The following UBN1 variants were observed in gnomAD, a reference collection of about 807,000 sequenced individuals.
The protein encoded by UBN1 is ubinuclein 1.
UBN1 carries 17 observed loss-of-function variants against 108.5 expected under a neutral mutation model. That is an observed-to-expected ratio of 0.16 (90% CI 0.11 to 0.24). The LOEUF (loss-of-function observed/expected upper bound fraction) is 0.24. Ranked by LOEUF, UBN1 falls within the 10% of genes least tolerant of loss-of-function variation. UBN1 has a pLI of 1.00. For missense variants in UBN1, 1,595 were observed against 1,394.4 expected (o/e 1.14, Z -2.29); for synonymous variants, 726 against 564.2 (o/e 1.29, Z -4.07).
chr16:4,871,022 T>G (rs1360630265), intron 11 of UBN1, 50 bp downstream of exon 11: 1 of 1,609,826 alleles, frequency 6.2e-7, no homozygotes, highest in East Asian at 2.2e-5. Flanking sequence ...TGGGGCAGTG[T>G]CTGAGCACGT....
intron 14 of UBN1, among the ~76,000 whole-genome samples, chr16:4,873,851 G>C (rs1176137040): frequency 1.3e-5 from 2 of 152,252 alleles, no homozygotes; most frequent in Admixed American, 1.3e-4. Context: ...GCCTTGGTCT[G>C]ATTGCAGCTA....
At chr16:4,873,146 T>G in intron 14 of UBN1, 73 bp downstream of exon 14, 1 of 1,595,278 alleles carries the variant, frequency 6.3e-7, no homozygotes, top group South Asian at 1.1e-5. Context: ...AACAGTCAAG[T>G]GACTGTGGAA....
chr16:4,868,927 C>CT, intron 8 of UBN1, 24 bp downstream of exon 8: 1 of 1,612,378 alleles, frequency 6.2e-7, no homozygotes, highest in African/African-American at 1.3e-5. Context: ...GTCTGTCTGT[C>CT]TGTCTGTCTG....
intron 10 of UBN1, 55 bp from the exon 11 acceptor site, chr16:4,870,787 GGA>G: frequency 1.9e-6 from 3 of 1,607,926 alleles, no homozygotes; most frequent in Non-Finnish European, 2.5e-6. Flanking sequence ...CAGAGTGAGG[GGA>G]GAGGCGGTGG....
chr16:4,880,229 GT>G lies in UBN1; in HGVS notation c.*98del. 7.2e-7 allele frequency: 1 copy of G among 1,384,518 alleles called. No homozygotes were observed. The highest frequency in any genetic ancestry group is 1.0e-6 in the Non-Finnish European group (1 of 973,730). 85.8% of individuals were successfully genotyped at this position (1,384,518 alleles called of 1,614,324 possible). ...CTCACTGCGCCCTTTCTGCTGCTTG[GT>G]GTTCTTCTGGAGGAGCGTGAGTTCT... On this transcript the variant is annotated 3_prime_UTR_variant, in exon 18 of 18. Coordinates refer to ENST00000262376, the MANE Select transcript of UBN1 (RefSeq NM_001079514.3).
intron 7 of UBN1, among the ~76,000 whole-genome samples, chr16:4,866,713 A>G (rs1389503898): frequency 1.3e-5 from 2 of 152,144 alleles, no homozygotes; most frequent in Non-Finnish European, 2.9e-5. Flanking sequence ...GGGTCTCATC[A>G]TGTGCCCAAG....
rs200866239 is a variant in UBN1 at position 4,870,319 on chromosome 16, G to T, written c.1289G>T (p.Arg430Leu). 2 of 1,614,150 alleles carry T rather than the reference G, an allele frequency of 1.2e-6. No individual in the cohort carries two copies. Among genetic ancestry groups the T allele is most frequent in the African/African-American group, 1.3e-5 (1 of 75,050 alleles). The change falls in exon 9 of 18, where the codon CGG becomes CTG. Residue 430 changes from arginine (R) to leucine (L), a missense_variant. By Grantham distance (102) the Arg-to-Leu change is moderately radical. Around this residue, in one of 3 missense-constraint regions of UBN1, gnomAD observed 1,398 missense variants for 1,194.7 expected, o/e 1.17. Coordinates refer to ENST00000262376, the MANE Select transcript of UBN1 (RefSeq NM_001079514.3). ...AAGGATGCCCTGCTCAAGCGTGCTC[G>T]GAAACTTCACCTCTATGAACAGGTG... ...CSKDALLKRA[R>L]KLHLYEQGGR...
intron 12 of UBN1, among the ~76,000 whole-genome samples, chr16:4,871,808 A>G (rs752652719): frequency 3.3e-5 from 5 of 151,922 alleles, no homozygotes; most frequent in Admixed American, 6.6e-5. Context: ...GGATGGTCTC[A>G]ATCTCCTGAC....
Position 4,875,452 on chromosome 16 carries a change from C to A in UBN1, c.3024+18C>A. On this transcript the variant is annotated intron_variant, in intron 15 of 17. Transcript: ENST00000262376. The stretch of plus-strand genomic sequence containing the variant: ...CCTTGTCAGTGAGTATCTGTCATAG[C>A]AGCCTGCCCTGCCCCACTCACAGGG... 6.3e-7 allele frequency: 1 copy of A among 1,594,350 alleles called. No homozygotes were observed. Among genetic ancestry groups the A allele is most frequent in the Non-Finnish European group, 8.6e-7 (1 of 1,168,252 alleles).
rs144564405 is a variant in UBN1, at chr16:4,853,027, A to C, written c.110A>C (p.Asp37Ala). 14 of 1,614,228 alleles carry C rather than the reference A, an allele frequency of 8.7e-6. No individual in the cohort carries two copies. The African/African-American group carries it at 1.7e-4, about 20-fold the overall frequency. The change falls in exon 2 of 18, where the codon GAC becomes GCC. Residue 37 changes from aspartate to alanine, a missense_variant. This residue lies in a region of UBN1 where 181 missense variants were observed against 157.3 expected (regional missense o/e 1.15). Coordinates refer to ENST00000262376, the MANE Select transcript of UBN1 (RefSeq NM_001079514.3). The part of the protein sequence containing the change: ...EEAGAGEQHQ[D>A]CEPAAAAVRI... Reference sequence around the variant, plus strand: ...GCTGGGGCAGGAGAACAGCATCAGGACTGTGAGCCGGCTGCAGCAGCTGTT... The same window carrying C: ...GCTGGGGCAGGAGAACAGCATCAGGCCTGTGAGCCGGCTGCAGCAGCTGTT...
At chr16:4,864,875 C>T (rs1161555660) in intron 7 of UBN1, among the ~76,000 whole-genome samples, 1 of 151,798 alleles carries the variant, frequency 6.6e-6, no homozygotes, top group Admixed American at 6.6e-5. Context: ...GGAAAAAAAA[C>T]GAAAACAACT....
At chr16:4,869,024 A>C (rs1596508332) in intron 8 of UBN1, 121 bp downstream of exon 8, 1 of 914,412 alleles carries the variant, frequency 1.1e-6, no homozygotes, top group Non-Finnish European at 1.6e-6. Context: ...CCAAGGAGAT[A>C]AAAGAAGAAT....
intron 2 of UBN1, among the ~76,000 whole-genome samples, chr16:4,856,715 A>T (rs2086827507): frequency 6.6e-6 from 1 of 152,218 alleles, no homozygotes; most frequent in South Asian, 2.1e-4. Flanking sequence ...TATACATAGA[A>T]TCCAGTGCTG....
intron 2 of UBN1, among the ~76,000 whole-genome samples, chr16:4,855,479 G>T (rs966402911): frequency 2.0e-5 from 3 of 152,046 alleles, no homozygotes; most frequent in African/African-American, 7.2e-5. Context: ...AGCTGGGCAT[G>T]ATGGTGCATG....
At position 4,880,252 on chromosome 16, in the gene UBN1, T is replaced by G; in HGVS notation, c.*120T>G. ...TGGTGTTCTTCTGGAGGAGCGTGAGTTCTCAGCGGAGCGCTTCTCGGCACT... is the reference window on the plus strand; with the variant it reads ...TGGTGTTCTTCTGGAGGAGCGTGAGGTCTCAGCGGAGCGCTTCTCGGCACT... On this transcript the variant is annotated 3_prime_UTR_variant, in exon 18 of 18. Coordinates refer to ENST00000262376, the MANE Select transcript of UBN1 (RefSeq NM_001079514.3). 1 of 1,206,476 alleles carries G rather than the reference T, an allele frequency of 8.3e-7. No individual in the cohort carries two copies. Among genetic ancestry groups the G allele is most frequent in the Non-Finnish European group, 1.2e-6 (1 of 818,196 alleles). The allele number at this position is 1,206,476 out of a possible 1,614,324, so 74.7% of individuals were successfully genotyped here. A position where few individuals can be genotyped will look rare whatever the true frequency, so the allele number is the denominator to read the frequency against.
chr16:4,863,785 C>G (rs1291672392), intron 7 of UBN1, among the ~76,000 whole-genome samples: 1 of 152,200 alleles, frequency 6.6e-6, no homozygotes, highest in Admixed American at 6.5e-5. Flanking sequence ...ATTCAGCTGG[C>G]AAGTTGGCCA....
intron 2 of UBN1, among the ~76,000 whole-genome samples, chr16:4,854,665 C>T (rs958657995): frequency 1.3e-5 from 2 of 151,646 alleles, no homozygotes; most frequent in Non-Finnish European, 2.9e-5. Context: ...CGCACCTGGC[C>T]GTGTTTTTGT....
Position 4,877,611 on chromosome 16 carries a change from T to C in UBN1, c.3355+137T>C, listed in dbSNP as rs892693586. The C allele has an allele frequency of 5.0e-6, 7 of 1,410,962 alleles. No individual in the cohort carries two copies. Among genetic ancestry groups the C allele is most frequent in the Admixed American group, 3.0e-5 (1 of 32,790 alleles). The allele number at this position is 1,410,962 out of a possible 1,614,324, so 87.4% of individuals were successfully genotyped here. A position where few individuals can be genotyped will look rare whatever the true frequency, so the allele number is the denominator to read the frequency against. On this transcript the variant is annotated intron_variant, in intron 17 of 17. Coordinates refer to ENST00000262376, the MANE Select transcript of UBN1 (RefSeq NM_001079514.3). The surrounding 1 kb of genome is among the most constrained non-coding windows in gnomAD (Gnocchi z 4.3). Reference sequence around the variant, plus strand: ...TGTTTTGGTTTGTCCTTTGAGGCTGTGCTTTGTCAGTACTCAGGGTGACAC... The same window carrying C: ...TGTTTTGGTTTGTCCTTTGAGGCTGCGCTTTGTCAGTACTCAGGGTGACAC...
At chr16:4,872,095 AAGTT>A in intron 12 of UBN1, 1 of 718,494 alleles carries the variant, frequency 1.4e-6, no homozygotes, top group Non-Finnish European at 1.7e-6. Context: ...GGGACAGAGA[AAGTT>A]AGCTGGAGTG....
Sources: allele counts gnomAD v4.1 joint callset (sites outside exome capture counted in the v4.1 genomes callset), GRCh38; gene constraint gnomAD v4.1.1; regional missense constraint gnomAD v4.1.1; non-coding constraint Gnocchi (gnomAD v3.1); transcripts MANE v1.5; gene names NCBI Gene and HGNC (gene_info 2026-07-23, HGNC 2026-07-21).